ANO9: variants seen among roughly 807,000 people sequenced by gnomAD.
ANO9 encodes anoctamin-9.
A neutral mutation model predicts 100.5 loss-of-function variants in ANO9; 80 were observed. That is an observed-to-expected ratio of 0.80 (90% CI 0.66 to 0.96). The LOEUF is 0.96. Ranked by LOEUF, ANO9 falls within the 40% of genes least tolerant of loss-of-function variation. ANO9 has a pLI of 0.00. For missense variants in ANO9, 1,064 were observed against 1,072.7 expected, an observed-to-expected ratio of 0.99 and a Z score of 0.11; for synonymous variants, 473 against 435.6, an observed-to-expected ratio of 1.09 and a Z score of -1.07.
At position 422,801 on chromosome 11, in the gene ANO9, C is replaced by T. The variant is rs1848270079; in HGVS notation, c.1335-1603G>A. Among the ~76,000 whole-genome samples the T allele has an allele frequency of 1.3e-5, 2 of 150,838 alleles. No homozygotes were observed. Among genetic ancestry groups the T allele is most frequent in the Non-Finnish European group, 2.9e-5 (2 of 67,832 alleles). ...TTCTTGGAAATAATGTATCATTTTA[C>T]TTATACAATCTTAAGCCAAGTCCCA... is the stretch of plus-strand genomic sequence containing the variant. On this transcript the variant is annotated intron_variant, in intron 15 of 22. Transcript: ENST00000332826. This position sits in a 1 kb window ranked among gnomAD's most constrained non-coding sequence, Gnocchi z 4.3.
rs113453836 is a variant in ANO9, at chr11:428,875, T to C, written c.916-49A>G. 10,754 of 1,542,932 alleles carry C rather than the reference T, an allele frequency of 7.0e-3. 242 individuals are homozygous for C. In the African/African-American group the frequency reaches 0.071, roughly 10 times the overall value. On this transcript the variant is annotated intron_variant, in intron 11 of 22. Transcript: ENST00000332826. ...TCAGACAAGGGACACTCACCCCACA[T>C]GTGGGGAGACAGACACAGAGACACA...
In ANO9 at chr11:418,092, C is replaced by A; in HGVS notation, c.*279G>T. 2.4e-6 allele frequency: 1 copy of A among 418,124 alleles called. No homozygotes were observed. Among genetic ancestry groups the A allele is most frequent in the Admixed American group, 4.0e-5 (1 of 24,754 alleles). The allele number at this position is 418,124 out of a possible 1,614,324, so 25.9% of individuals were successfully genotyped here. A position where few individuals can be genotyped will look rare whatever the true frequency, so the allele number is the denominator to read the frequency against. Reference sequence around the variant, plus strand: ...CAGGAAATTTGCGCCAGTTTTCCTGCCTTGTGGCTGCCTGAGGAGCCCTCA... The same window carrying A: ...CAGGAAATTTGCGCCAGTTTTCCTGACTTGTGGCTGCCTGAGGAGCCCTCA... On this transcript the variant is annotated 3_prime_UTR_variant, in exon 23 of 23. Coordinates refer to ENST00000332826, the MANE Select transcript of ANO9 (RefSeq NM_001012302.3).
chr11:424,065 C>T (rs1458010909), intron 15 of ANO9, among the ~76,000 whole-genome samples: 6 of 152,082 alleles, frequency 3.9e-5, no homozygotes, highest in African/African-American at 7.2e-5. Flanking sequence ...CACACCACCA[C>T]GCCTGGCTAG....
chr11:430,236 G>A lies in ANO9; in HGVS notation c.674+33C>T, dbSNP rs777044742. The stretch of plus-strand genomic sequence containing the variant: ...TCCTCCAGGCAGCAGGGCCCACCCC[G>A]GCCCCCCATGCCCGGCCCCTGCTGC... On this transcript the variant is annotated intron_variant, in intron 8 of 22. Coordinates refer to ENST00000332826, the MANE Select transcript of ANO9 (RefSeq NM_001012302.3). 24 of 1,552,096 alleles carry A rather than the reference G, an allele frequency of 1.5e-5. No homozygotes were observed. The East Asian group carries it at 2.4e-4, about 16-fold the overall frequency.
chr11:431,573 G>A lies in ANO9; in HGVS notation c.539+121C>T. ...TCTGGGGGCGTCTGCGGGGGTGTGG[G>A]GGCTCCCGCGGGTATCTGGGGGCTT... On this transcript the variant is annotated intron_variant, in intron 7 of 22. Transcript: ENST00000332826. 2 of 556,668 alleles carry A rather than the reference G, an allele frequency of 3.6e-6. 1 individual carries two copies. The highest frequency in any genetic ancestry group is 7.2e-5 in the East Asian group (2 of 27,872). 34.5% of individuals were successfully genotyped at this position (556,668 alleles called of 1,614,324 possible). A position where few individuals can be genotyped will look rare whatever the true frequency, so the allele number is the denominator to read the frequency against.
In ANO9 at chr11:421,132, G is replaced by T. The variant is rs758018813; in HGVS notation, c.1392+9C>A. ...CAGGGACAGGGCATGAAGCCTGGGG[G>T]TGACTGACCTCTTCCAGCTTCCACA... is the stretch of plus-strand genomic sequence containing the variant. On this transcript the variant is annotated intron_variant, in intron 16 of 22. Transcript: ENST00000332826. The surrounding 1 kb of genome is among the most constrained non-coding windows in gnomAD (Gnocchi z 6.8). The T allele has an allele frequency of 1.9e-6, 3 of 1,570,898 alleles. No individual in the cohort carries two copies. Among genetic ancestry groups the T allele is most frequent in the Non-Finnish European group, 2.6e-6 (3 of 1,153,402 alleles).
At chr11:435,676 C>A (rs1447518585) in intron 1 of ANO9, among the ~76,000 whole-genome samples, 27 of 129,116 alleles carry the variant, frequency 2.1e-4, no homozygotes, top group African/African-American at 8.0e-4. Context: ...CTAGTCTAGT[C>A]TAGTATGGTC....
intron 19 of ANO9, 164 bp from the exon 20 acceptor site, chr11:419,893 A>AG: frequency 7.0e-7 from 1 of 1,428,758 alleles, no homozygotes; most frequent in Non-Finnish European, 9.1e-7. Context: ...GCCATGGCAG[A>AG]GCATGGCCTC....
At position 418,985 on chromosome 11, in the gene ANO9, G is replaced by A. The variant is rs1457004133; in HGVS notation, c.1939C>T (p.Leu647Phe). ...LKEGNSTVDC[L>F]KGYVNHSLSV... ...AGGCTGTGGTTGACGTAGCCCTTGA[G>A]GCAGCTGGGGAGAGGGGAGAGGAGT... The change falls in exon 21 of 23, where the codon CTC (leucine) becomes TTC (phenylalanine). Residue 647 changes from leucine to phenylalanine, a missense_variant. Transcript: ENST00000332826. 10 of 1,613,176 alleles carry A rather than the reference G, an allele frequency of 6.2e-6. No individual in the cohort carries two copies. In the South Asian group the frequency reaches 8.8e-5, roughly 14 times the overall value.
rs746404674 is a variant in ANO9, at chr11:428,081, G to A, written c.1334+7C>T. 12 of 1,588,022 alleles carry A rather than the reference G, an allele frequency of 7.6e-6. No homozygotes were observed. Among genetic ancestry groups the A allele is most frequent in the Non-Finnish European group, 1.0e-5 (12 of 1,170,870 alleles). On this transcript the variant is annotated splice_region_variant and intron_variant, in intron 15 of 22. Coordinates refer to ENST00000332826, the MANE Select transcript of ANO9 (RefSeq NM_001012302.3). ...TTGGGTTGGAGGGAGCCTGGCGCCG[G>A]CCCTACCTGCCCAGGATGAAGGCGA...
rs1281750774 is a variant in ANO9 at position 418,577 on chromosome 11, A to G, written c.2143T>C (p.Cys715Arg). ...FVILFEHVALCIKLIAAWFVP... is the reference protein window; with the variant it reads ...FVILFEHVALRIKLIAAWFVP... ...AACCAGGCGGCGATGAGCTTGATGC[A>G]CAAGGCCACGTGCTAGCGGCAGCAC... Residue 715 changes from cysteine to arginine, a missense_variant, in exon 23 of 23, where the codon TGC becomes CGC. Transcript: ENST00000332826. 1.2e-6 allele frequency: 2 copies of G among 1,612,934 alleles called. No individual in the cohort carries two copies. Among genetic ancestry groups the G allele is most frequent in the Non-Finnish European group, 1.7e-6 (2 of 1,179,996 alleles).
chr11:418,859 G>A, intron 21 of ANO9, 29 bp downstream of exon 21: 1 of 1,613,644 alleles, frequency 6.2e-7, no homozygotes, highest in Non-Finnish European at 8.5e-7. Flanking sequence ...AGTTCAGAGG[G>A]CATTCTTGGG....
chr11:421,288 C>A lies in ANO9; in HGVS notation c.1335-90G>T. ...GCAGGACAGAAGCGGGTAGGAAAGA[C>A]ACAGAACAGGCGGGGCAGGCCCTGC... On this transcript the variant is annotated intron_variant, in intron 15 of 22. Transcript: ENST00000332826. This position sits in a 1 kb window ranked among gnomAD's most constrained non-coding sequence, Gnocchi z 6.8. 1 of 1,353,986 alleles carries A rather than the reference C, an allele frequency of 7.4e-7. No homozygotes were observed. Among genetic ancestry groups the A allele is most frequent in the Non-Finnish European group, 9.8e-7 (1 of 1,024,646 alleles). 83.9% of individuals were successfully genotyped at this position (1,353,986 alleles called of 1,614,324 possible). A position where few individuals can be genotyped will look rare whatever the true frequency, so the allele number is the denominator to read the frequency against.
Position 422,902 on chromosome 11 carries a change from T to C in ANO9, c.1335-1704A>G, listed in dbSNP as rs1385617175. On this transcript the variant is annotated intron_variant, in intron 15 of 22. Transcript: ENST00000332826. This position sits in a 1 kb window ranked among gnomAD's most constrained non-coding sequence, Gnocchi z 4.3. ...TGGAGTGCAATGGCATGATCTTGGC[T>C]CACTACAACCTCCACCTTCCGGGTT... is the stretch of plus-strand genomic sequence containing the variant. 6.6e-6 allele frequency among the ~76,000 whole-genome samples: 1 copy of C among 151,602 alleles called. No homozygotes were observed. The highest frequency in any genetic ancestry group is 1.5e-5 in the Non-Finnish European group (1 of 67,956).
intron 1 of ANO9, among the ~76,000 whole-genome samples, chr11:435,658 GGTCTA>G (rs1219846865): frequency 6.0e-4 from 65 of 108,602 alleles, no homozygotes; most frequent in African/African-American, 1.8e-3. Context: ...AGTCTAGTAT[GGTCTA>G]GTCTAGTCTA....
At chr11:420,081 C>T in intron 19 of ANO9, 1 of 1,321,138 alleles carries the variant, frequency 7.6e-7, no homozygotes, top group African/African-American at 1.5e-5. Flanking sequence ...ACCTCTCTCC[C>T]TTTCCCCACA....
chr11:431,918 G>T lies in ANO9; in HGVS notation c.407-12C>A. On this transcript the variant is annotated splice_polypyrimidine_tract_variant and intron_variant, in intron 5 of 22. Transcript: ENST00000332826. Reference sequence around the variant, plus strand: ...ATCCTCGAAGGTCTCTGGGTCACAGGGGTTCACGAGTCAGGGGGAGTGAGG... The same window carrying T: ...ATCCTCGAAGGTCTCTGGGTCACAGTGGTTCACGAGTCAGGGGGAGTGAGG... The T allele has an allele frequency of 6.2e-7, 1 of 1,611,276 alleles. No homozygotes were observed.
rs1187615232 is a variant in ANO9 at position 433,955 on chromosome 11, G to T, written c.82-18C>A. The T allele has an allele frequency of 6.4e-7, 1 of 1,556,118 alleles. No homozygotes were observed. Among genetic ancestry groups the T allele is most frequent in the Admixed American group, 2.0e-5 (1 of 51,174 alleles). ...GCCTCGGTCTGCAGGGAGGAGGCAT[G>T]GGGCCAGGCGCAGGTGAAGGGGCAG... On this transcript the variant is annotated intron_variant, in intron 2 of 22. Coordinates refer to ENST00000332826, the MANE Select transcript of ANO9 (RefSeq NM_001012302.3).
chr11:438,909 G>A (rs890992505), intron 1 of ANO9, among the ~76,000 whole-genome samples: 1 of 152,124 alleles, frequency 6.6e-6, no homozygotes, highest in South Asian at 2.1e-4. Context: ...CCCAGGGTAG[G>A]GACAGGGGCT....
Sources: allele counts gnomAD v4.1 joint callset (sites outside exome capture counted in the v4.1 genomes callset), GRCh38; gene constraint gnomAD v4.1.1; non-coding constraint Gnocchi (gnomAD v3.1); transcripts MANE v1.5; gene names NCBI Gene and HGNC (gene_info 2026-07-23, HGNC 2026-07-21).